The following ABR variants were observed in gnomAD, a reference collection of about 807,000 sequenced individuals.
The protein encoded by ABR is active breakpoint cluster region-related protein.
A neutral mutation model predicts 107.2 loss-of-function variants in ABR; 35 were observed. That is an observed-to-expected ratio of 0.33 (90% CI 0.25 to 0.43). ABR has a LOEUF of 0.43. ABR is among the 20% of genes least tolerant of loss of function. The pLI, the probability that ABR is intolerant of heterozygous loss-of-function variation, is 1.00. For missense variants in ABR, 815 were observed against 1,115.2 expected, an observed-to-expected ratio of 0.73 and a Z score of 3.83; for synonymous variants, 498 against 462.0, an observed-to-expected ratio of 1.08 and a Z score of -1.00.
At chr17:1,221,792 C>T (rs559327813) in intron 1 of ABR, among the ~76,000 whole-genome samples, 5 of 152,176 alleles carry the variant, frequency 3.3e-5, no homozygotes, top group South Asian at 2.1e-4. Flanking sequence ...GCTTTGCAGA[C>T]GCCAAGAGAG....
intron 2 of ABR, chr17:1,108,926 G>T: frequency 6.3e-7 from 1 of 1,586,544 alleles, no homozygotes; most frequent in Non-Finnish European, 8.6e-7. Flanking sequence ...GGCGTGTCAC[G>T]CTCCCACCTT....
chr17:1,060,064 C>T (rs1265564960), intron 10 of ABR, among the ~76,000 whole-genome samples: 1 of 152,212 alleles, frequency 6.6e-6, no homozygotes, highest in Non-Finnish European at 1.5e-5. Flanking sequence ...AATCCAAACA[C>T]CCAAAAACAT....
intron 16 of ABR, chr17:1,022,372 C>T (rs1368855403): frequency 6.6e-6 from 1 of 152,378 alleles, no homozygotes; most frequent in Non-Finnish European, 1.5e-5. Flanking sequence ...AGGGCTGGGT[C>T]CCCTTGGGAC....
At chr17:1,145,758 C>A (rs1187304459) in intron 1 of ABR, among the ~76,000 whole-genome samples, 1 of 152,236 alleles carries the variant, frequency 6.6e-6, no homozygotes, top group Admixed American at 6.5e-5. Flanking sequence ...GATGCACGAC[C>A]CCTGCCTTCC....
At chr17:1,121,934 G>A (rs1029043640) in intron 2 of ABR, among the ~76,000 whole-genome samples, 9 of 152,264 alleles carry the variant, frequency 5.9e-5, no homozygotes, top group African/African-American at 1.9e-4. Context: ...ATGGAGTCTC[G>A]CTTTGTCACC....
intron 2 of ABR, among the ~76,000 whole-genome samples, chr17:1,107,617 A>G (rs2038348754): frequency 6.6e-6 from 1 of 152,150 alleles, no homozygotes; most frequent in Non-Finnish European, 1.5e-5. Flanking sequence ...CTCCCATCCC[A>G]GCATTGCTAC....
chr17:1,126,001 G>A (rs1567800111), intron 1 of ABR, among the ~76,000 whole-genome samples: 3 of 152,138 alleles, frequency 2.0e-5, no homozygotes, highest in South Asian at 2.1e-4. Context: ...CCTCGGAGCC[G>A]GTGCTTATTT....
chr17:1,040,019 G>A (rs565746442), intron 16 of ABR, among the ~76,000 whole-genome samples: 4 of 152,200 alleles, frequency 2.6e-5, no homozygotes, highest in Admixed American at 2.6e-4. Context: ...CCTCCCTCAG[G>A]GCCAGGGGCC....
Position 1,135,186 on chromosome 17 carries a change from T to C in ABR, c.62-9819A>G, listed in dbSNP as rs117776501. 1.4e-4 allele frequency among the ~76,000 whole-genome samples: 21 copies of C among 151,526 alleles called. 1 individual carries two copies. The East Asian group carries it at 3.3e-3, about 24-fold the overall frequency. The stretch of plus-strand genomic sequence containing the variant: ...TAGCCAGGAGGGCTAGAACACAGAG[T>C]GAGCAGAGGGGGAGAGGGCCGTGCT... On this transcript the variant is annotated intron_variant, in intron 1 of 22. Transcript: ENST00000302538.
chr17:1,226,763 T>C (rs1414741363), intron 1 of ABR, among the ~76,000 whole-genome samples: 2 of 151,796 alleles, frequency 1.3e-5, no homozygotes, highest in African/African-American at 2.4e-5. Flanking sequence ...TGTGCGTGTG[T>C]GTGCATGCAT....
At chr17:1,201,269 C>T (rs1015287738) in intron 1 of ABR, among the ~76,000 whole-genome samples, 2 of 152,076 alleles carry the variant, frequency 1.3e-5, no homozygotes, top group African/African-American at 4.8e-5. Context: ...CAGAACAGAC[C>T]CGGTTCACGG....
chr17:1,096,208 G>A (rs1441068566), intron 3 of ABR, among the ~76,000 whole-genome samples: 1 of 152,200 alleles, frequency 6.6e-6, no homozygotes, highest in Non-Finnish European at 1.5e-5. Context: ...GCACCCCAGA[G>A]GCCAGGACGG....
At chr17:1,137,333 A>C (rs1360526368) in intron 1 of ABR, among the ~76,000 whole-genome samples, 3 of 152,014 alleles carry the variant, frequency 2.0e-5, no homozygotes, top group African/African-American at 7.3e-5. Context: ...TGAGCCACCG[A>C]GCCCGGGCTA....
chr17:1,072,227 T>C (rs1250400082), intron 8 of ABR, among the ~76,000 whole-genome samples: 4 of 152,086 alleles, frequency 2.6e-5, no homozygotes, highest in Non-Finnish European at 4.4e-5. Flanking sequence ...TGAGGATTAA[T>C]GAGACACTGG....
chr17:1,020,923 C>T (rs748550361), intron 16 of ABR, among the ~76,000 whole-genome samples: 5 of 152,120 alleles, frequency 3.3e-5, no homozygotes, highest in African/African-American at 4.8e-5. Context: ...ACGCTCCCTC[C>T]GGTCTCCACT....
At position 1,161,640 on chromosome 17, in the gene ABR, C is replaced by T. The variant is rs147601800; in HGVS notation, c.61+18027G>A. 7.2e-5 allele frequency among the ~76,000 whole-genome samples: 11 copies of T among 151,754 alleles called. No homozygotes were observed. The South Asian group carries it at 8.3e-4, about 12-fold the overall frequency. On this transcript the variant is annotated intron_variant, in intron 1 of 22. Transcript: ENST00000302538. ...CATGATCTTGGCTCATTGCAATCTC[C>T]GCCTCCAGGGTTCAAACAATTCTCC...
chr17:1,201,268 C>T (rs2042665822), intron 1 of ABR, among the ~76,000 whole-genome samples: 3 of 152,172 alleles, frequency 2.0e-5, no homozygotes, highest in Admixed American at 1.3e-4. Context: ...ACAGAACAGA[C>T]CCGGTTCACG....
At position 1,079,355 on chromosome 17, in the gene ABR, G is replaced by A. The variant is rs1440198797; in HGVS notation, c.675C>T (p.Asp225=). The A allele has an allele frequency of 2.5e-6, 4 of 1,613,496 alleles. No individual in the cohort carries two copies. In the African/African-American group the frequency reaches 4.0e-5, roughly 16 times the overall value. ...CTTCCATGGTGACAGACGTGTGGCT[G>A]TCCTTGGAGTCCTTGGGACCTTTCA... The part of the protein sequence containing the change: ...LKVKGPKDSK[D]SHTSVTMEAL... The change falls in exon 6 of 23, where the codon GAC becomes GAT. Residue 225 remains aspartate, a synonymous_variant. Coordinates refer to ENST00000302538, the MANE Select transcript of ABR (RefSeq NM_021962.5).
At chr17:1,129,924 G>A (rs1567804969) in intron 1 of ABR, among the ~76,000 whole-genome samples, 1 of 152,158 alleles carries the variant, frequency 6.6e-6, no homozygotes, top group African/African-American at 2.4e-5. Context: ...GCCAGCCTGG[G>A]TGACAGAGTG....
Sources: gnomAD v4.1 joint callset for allele counts (sites outside exome capture counted in the v4.1 genomes callset) on GRCh38, gnomAD v4.1.1 for gene constraint, MANE v1.5 for transcripts, NCBI Gene and HGNC (gene_info 2026-07-23, HGNC 2026-07-21) for gene names.